The following TNPO3 variants were observed in gnomAD, a reference collection of about 807,000 sequenced individuals.
TNPO3 encodes the protein transportin-3.
TNPO3 carries 65 observed loss-of-function variants against 122.8 expected under a neutral mutation model. The ratio of observed to expected loss-of-function variants is 0.53; its 90% confidence interval spans 0.43 to 0.65. The LOEUF (loss-of-function observed/expected upper bound fraction) is 0.65, where lower values mean the gene tolerates loss of function less well. TNPO3 is among the 30% of genes least tolerant of loss of function. The probability of loss-of-function intolerance (pLI) is 0.00; values close to 1 mark genes in which losing one functional copy is unlikely to be tolerated. For synonymous variants in TNPO3, 372 were observed against 411.2 expected, an observed-to-expected ratio of 0.90 and a Z score of 1.15; for missense variants, 850 against 1,136.7, an observed-to-expected ratio of 0.75 and a Z score of 3.63.
At position 129,029,893 on chromosome 7, in the gene TNPO3, A is replaced by G. The variant is rs777746991; in HGVS notation, c.121-11736T>C. 5.9e-4 allele frequency: 90 copies of G among 152,424 alleles called. 1 individual carries two copies. The highest frequency in any genetic ancestry group is 1.0e-3 in the Non-Finnish European group (70 of 68,498). 9.4% of individuals were successfully genotyped at this position (152,424 alleles called of 1,614,324 possible). A position where few individuals can be genotyped will look rare whatever the true frequency, so the allele number is the denominator to read the frequency against. ...ACCCAAAAAATTAGCCAGGCACGGC[A>G]GCGGGCGCCTGTAGTCCCAGCTACT... On this transcript the variant is annotated intron_variant, in intron 1 of 22. Transcript: ENST00000265388.
intron 16 of TNPO3, 145 bp from the exon 17 acceptor site, chr7:128,976,080 T>C: frequency 1.6e-6 from 1 of 640,442 alleles, no homozygotes; most frequent in Non-Finnish European, 2.8e-6. Flanking sequence ...CACTATTTTG[T>C]GAAACACAGG....
chr7:128,986,660 T>C (rs1422234977), intron 12 of TNPO3, 69 bp downstream of exon 12: 4 of 1,418,470 alleles, frequency 2.8e-6, no homozygotes, highest in African/African-American at 2.9e-5. Context: ...AACTGGGATA[T>C]GACAGATGTA....
intron 12 of TNPO3, among the ~76,000 whole-genome samples, chr7:128,986,328 G>A (rs1800140957): frequency 1.3e-5 from 2 of 152,094 alleles, no homozygotes; most frequent in Admixed American, 6.5e-5. Context: ...AAGAGACCAG[G>A]ACCCCTGACT....
In TNPO3 at chr7:128,975,916, A is replaced by G. The variant is rs1377188747; in HGVS notation, c.2081T>C (p.Val694Ala). 1.3e-5 allele frequency: 21 copies of G among 1,613,142 alleles called. No homozygotes were observed. In the Admixed American group the frequency reaches 3.3e-4, roughly 26 times the overall value. The change falls in exon 17 of 23, where the codon GTA becomes GCA. Residue 694 changes from valine (V) to alanine (A), a missense_variant. Val to Ala is a moderately conservative substitution (Grantham distance 64). Coordinates refer to ENST00000265388, the MANE Select transcript of TNPO3 (RefSeq NM_012470.4). ...GTACAGGAAGCAGGAATGCTGATGT[A>G]CGTGGTACACATTCACCATCTGTTG... ...LVTQMVNVYH[V>A]HQHSCFLYLG...
rs77733877 is a variant in TNPO3 at position 129,051,145 on chromosome 7, TAA to T, written c.120+3504_120+3505del. Among the ~76,000 whole-genome samples, 13 of 147,516 alleles carry T rather than the reference TAA, an allele frequency of 8.8e-5. No homozygotes were observed. In the East Asian group the frequency reaches 1.8e-3, roughly 20 times the overall value. On this transcript the variant is annotated intron_variant, in intron 1 of 22. Transcript: ENST00000265388. ...TGTGGATACCCAGAAAACAAAATGTTAAAAAAAAAAAGAGGTATTTGATTACC... is the reference window on the plus strand; with the variant it reads ...TGTGGATACCCAGAAAACAAAATGTTAAAAAAAAAGAGGTATTTGATTACC...
rs146985130 is a variant in TNPO3, at chr7:128,991,366, A to C, written c.1358+633T>G. Among the ~76,000 whole-genome samples, 873 of 152,344 alleles carry C rather than the reference A, an allele frequency of 5.7e-3. 7 individuals are homozygous for C. The highest frequency in any genetic ancestry group is 0.027 in the South Asian group (128 of 4,830). ...CTGAATACAGAGCTTGACTGCAGGTATCAGGTCACAATTCAGCGTGGCAGA... is the reference window on the plus strand; with the variant it reads ...CTGAATACAGAGCTTGACTGCAGGTCTCAGGTCACAATTCAGCGTGGCAGA... On this transcript the variant is annotated intron_variant, in intron 10 of 22. Transcript: ENST00000265388.
chr7:129,045,686 C>T (rs539284296), intron 1 of TNPO3, among the ~76,000 whole-genome samples: 1 of 152,226 alleles, frequency 6.6e-6, no homozygotes, highest in South Asian at 2.1e-4. Context: ...TAGTAGTACC[C>T]TGATAATTTT....
upstream of TNPO3, chr7:129,055,884 A>G (rs980211731): frequency 5.0e-6 from 3 of 603,264 alleles, no homozygotes; most frequent in Admixed American, 3.0e-5. Flanking sequence ...AATAACTGCT[A>G]TTTGATAAAT....
Position 129,001,206 on chromosome 7 carries a change from T to G in TNPO3, c.725A>C (p.His242Pro). The G allele has an allele frequency of 6.2e-7, 1 of 1,613,414 alleles. No homozygotes were observed. Among genetic ancestry groups the G allele is most frequent in the Non-Finnish European group, 8.5e-7 (1 of 1,179,450 alleles). The change falls in exon 6 of 23, where the codon CAT becomes CCT. Residue 242 changes from histidine to proline, a missense_variant. By Grantham distance (77) the His-to-Pro change is moderately conservative. Transcript: ENST00000265388. ...GCATACACAGTCCGAAGCAGCTTCA[T>G]GTAGGTTAGACGAGGTCTTATCCTG... The part of the protein sequence containing the change: ...LQQDKTSSNL[H>P]EAASDCVCSA...
chr7:129,054,978 G>A lies in TNPO3; in HGVS notation c.-208C>T. 1.6e-6 allele frequency: 1 copy of A among 606,386 alleles called. No homozygotes were observed. The highest frequency in any genetic ancestry group is 2.8e-6 in the Non-Finnish European group (1 of 353,746). 37.6% of individuals were successfully genotyped at this position (606,386 alleles called of 1,614,324 possible). On this transcript the variant is annotated 5_prime_UTR_variant, in exon 1 of 23. Transcript: ENST00000265388. ...CTATTAGGTCGTATTCAGGTTCCTG[G>A]CCTTTTTTCCGGTTTTTCCACTTGA...
In TNPO3 at chr7:128,955,161, A is replaced by T. The variant is rs988622652; in HGVS notation, c.*256T>A. 3.3e-6 allele frequency: 1 copy of T among 303,348 alleles called. No homozygotes were observed. Among genetic ancestry groups the T allele is most frequent in the Non-Finnish European group, 6.5e-6 (1 of 154,034 alleles). The allele number at this position is 303,348 out of a possible 1,614,324, so 18.8% of individuals were successfully genotyped here. ...TCACCAGGAAACCAGCTCCCCTCCC[A>T]CCACGCCGGGCAGGCCACAGCCATC... On this transcript the variant is annotated 3_prime_UTR_variant, in exon 23 of 23. Transcript: ENST00000265388.
intron 1 of TNPO3, among the ~76,000 whole-genome samples, chr7:129,050,924 C>A (rs1808685953): frequency 6.6e-6 from 1 of 152,152 alleles, no homozygotes; most frequent in Admixed American, 6.5e-5. Context: ...AACAAAGAGG[C>A]AAAGGGAATT....
intron 1 of TNPO3, among the ~76,000 whole-genome samples, chr7:129,042,113 A>T (rs1807448569): frequency 6.6e-6 from 1 of 152,206 alleles, no homozygotes; most frequent in South Asian, 2.1e-4. Context: ...AGTTAATCCT[A>T]CACAAAAACT....
intron 1 of TNPO3, among the ~76,000 whole-genome samples, chr7:129,040,836 T>C (rs1348493940): frequency 6.6e-6 from 1 of 152,218 alleles, no homozygotes; most frequent in Non-Finnish European, 1.5e-5. Context: ...TTATTTACTT[T>C]GATACTGTCT....
At chr7:129,005,808 G>A (rs1162003265) in intron 4 of TNPO3, among the ~76,000 whole-genome samples, 1 of 141,310 alleles carries the variant, frequency 7.1e-6, no homozygotes, top group Admixed American at 7.4e-5. Flanking sequence ...TTGAGATGGA[G>A]TATTGCTCTG....
Position 128,982,034 on chromosome 7 carries a change from C to CT in TNPO3, c.1859+213dup, listed in dbSNP as rs35552227. ...GTGAGCCATCGCTCCCGGCCTTCCA[C>CT]TTTTTAAAGAGTATTTTAACACAAA... On this transcript the variant is annotated intron_variant, in intron 14 of 22. Transcript: ENST00000265388. Among the ~76,000 whole-genome samples, 13,736 of 152,150 alleles carry CT rather than the reference C, an allele frequency of 0.09. 859 individuals carry two copies. Among genetic ancestry groups the CT allele is most frequent in the South Asian group, 0.15 (737 of 4,820 alleles).
At chr7:128,995,478 C>T (rs553624745) in intron 8 of TNPO3, among the ~76,000 whole-genome samples, 6 of 152,270 alleles carry the variant, frequency 3.9e-5, no homozygotes, top group Admixed American at 1.3e-4. Context: ...GAGGAGGAAA[C>T]GATGGCTATC....
intron 4 of TNPO3, among the ~76,000 whole-genome samples, 190 bp from the exon 5 acceptor site, chr7:129,005,349 C>G (rs866406241): frequency 6.6e-6 from 1 of 151,846 alleles, no homozygotes; most frequent in South Asian, 2.1e-4. Context: ...CTACATTGCC[C>G]AGGCAGGACT....
At chr7:129,013,115 T>C (rs1803406613) in intron 4 of TNPO3, among the ~76,000 whole-genome samples, 1 of 152,214 alleles carries the variant, frequency 6.6e-6, no homozygotes, top group Admixed American at 6.5e-5. Flanking sequence ...CTTTCTTTTA[T>C]CTCTCATAAT....
Sources: gnomAD v4.1 joint callset for allele counts (sites outside exome capture counted in the v4.1 genomes callset) on GRCh38, gnomAD v4.1.1 for gene constraint, MANE v1.5 for transcripts, NCBI Gene and HGNC (gene_info 2026-07-23, HGNC 2026-07-21) for gene names.